The following DNAH6 variants were observed in gnomAD, a reference collection of about 807,000 sequenced individuals.
DNAH6 encodes dynein axonemal heavy chain 6, also known as axonemal beta dynein heavy chain 6.
Under a neutral mutation model 491.4 loss-of-function variants are expected in DNAH6, and 340 were observed. The ratio of observed to expected loss-of-function variants is 0.69; its 90% CI spans 0.63 to 0.76. The LOEUF (loss-of-function observed/expected upper bound fraction) is 0.76. Among genes scored for constraint, DNAH6 ranks in the 30% least tolerant of loss-of-function variants. The pLI is 0.00. For synonymous variants in DNAH6, 1,603 were observed against 1,686.1 expected (o/e 0.95, Z 1.21); for missense variants, 4,443 against 4,972.2 (o/e 0.89, Z 3.20).
chr2:84,598,502 TA>T (rs1239205429), intron 18 of DNAH6, among the ~76,000 whole-genome samples: 2 of 152,152 alleles, frequency 1.3e-5, no homozygotes, highest in Non-Finnish European at 2.9e-5. Context: ...AGTTTTCTAT[TA>T]ACTTGGGTAA....
In DNAH6 at chr2:84,701,316, G is replaced by GA; in HGVS notation, c.8044dup (p.Arg2682LysfsTer27). ...CAATCTTTACCTGTCTATGCTGTCT[G>GA]AAAAAAGGAAGCAGATTATTTCAGT... On this transcript the variant is annotated frameshift_variant, in exon 49 of 77. Transcript: ENST00000389394. LOFTEE classifies it high-confidence loss of function. The GA allele has an allele frequency of 2.6e-6, 4 of 1,545,680 alleles. No homozygotes were observed. The highest frequency in any genetic ancestry group is 1.2e-5 in the South Asian group (1 of 82,956).
rs1688985139 is a variant in DNAH6, at chr2:84,637,400, G to A, written c.4821+23G>A. 7 of 1,492,056 alleles carry A rather than the reference G, an allele frequency of 4.7e-6. No homozygotes were observed. In the African/African-American group the frequency reaches 7.1e-5, roughly 15 times the overall value. 92.4% of individuals were successfully genotyped at this position (1,492,056 alleles called of 1,614,324 possible). A position where few individuals can be genotyped will look rare whatever the true frequency, so the allele number is the denominator to read the frequency against. On this transcript the variant is annotated intron_variant, in intron 31 of 76. Transcript: ENST00000389394. ...GAGGTGAGCATCACATTATAAAGCA[G>A]CAGAAATGTAAACTTCTTTCTTTTA...
At chr2:84,697,495 G>T (rs1192289) in intron 46 of DNAH6, 80 bp from the exon 47 acceptor site, 2 of 1,355,390 alleles carry the variant, frequency 1.5e-6, no homozygotes, top group Non-Finnish European at 2.0e-6. Context: ...TGATTCATGT[G>T]AATTTTAGAA....
In DNAH6 at chr2:84,819,326, T is replaced by C. The variant is rs1447248037; in HGVS notation, c.12395T>C (p.Val4132Ala). ...STTGHSTNFVVTVLLPSKRSK... is the reference protein window; with the variant it reads ...STTGHSTNFVATVLLPSKRSK... ...TTAGGACATTCAACCAATTTTGTGG[T>C]AACCGTCCTGTTACCCTCCAAGCGG... The change falls in exon 77 of 77, where the codon GTA (valine) becomes GCA (alanine). Residue 4132 changes from valine to alanine, a missense_variant. Around this residue, in one of 3 missense-constraint regions of DNAH6, gnomAD observed 1,463 missense variants for 1,656.6 expected, o/e 0.88. Coordinates refer to ENST00000389394, the MANE Select transcript of DNAH6 (RefSeq NM_001370.2). 6.4e-7 allele frequency: 1 copy of C among 1,550,788 alleles called. No individual in the cohort carries two copies. Among genetic ancestry groups the C allele is most frequent in the East Asian group, 2.4e-5 (1 of 40,880 alleles).
At chr2:84,574,632 A>G (rs1175504788) in intron 12 of DNAH6, among the ~76,000 whole-genome samples, 2 of 152,212 alleles carry the variant, frequency 1.3e-5, no homozygotes, top group Non-Finnish European at 2.9e-5. Context: ...AGACAAGCCT[A>G]CTTCCACTGT....
chr2:84,641,883 T>C, intron 32 of DNAH6, 64 bp from the exon 33 acceptor site: 1 of 1,368,890 alleles, frequency 7.3e-7, no homozygotes, highest in Non-Finnish European at 1.0e-6. Flanking sequence ...TCCCCACAGG[T>C]TTAGAAAATC....
Position 84,699,604 on chromosome 2 carries a change from A to G in DNAH6, c.7688A>G (p.Tyr2563Cys). The part of the protein sequence containing the change: ...SEGNRDEVFQ[Y>C]FISKVRQKLH... ...CTTTCTTTTTGTCAGGTGTTTCAATACTTTATCAGCAAAGTGCGTCAGAAG... is the reference window on the plus strand; with the variant it reads ...CTTTCTTTTTGTCAGGTGTTTCAATGCTTTATCAGCAAAGTGCGTCAGAAG... The change falls in exon 48 of 77, where the codon TAC becomes TGC. Residue 2563 changes from tyrosine (Y) to cysteine (C), a missense_variant. Tyr to Cys is a radical substitution (Grantham distance 194). Around this residue, in one of 3 missense-constraint regions of DNAH6, gnomAD observed 2,977 missense variants for 3,296.6 expected, o/e 0.90. Transcript: ENST00000389394. 1 of 1,549,124 alleles carries G rather than the reference A, an allele frequency of 6.5e-7. No individual in the cohort carries two copies. The highest frequency in any genetic ancestry group is 8.7e-7 in the Non-Finnish European group (1 of 1,146,244).
Position 84,731,149 on chromosome 2 carries a change from C to T in DNAH6, c.10207-2295C>T, listed in dbSNP as rs568126440. Reference sequence around the variant, plus strand: ...CTTGTGGTCTTTGAACCTAGACCCACTCCCTCCCTTCCTGCTCCCAGCTTA... The same window carrying T: ...CTTGTGGTCTTTGAACCTAGACCCATTCCCTCCCTTCCTGCTCCCAGCTTA... On this transcript the variant is annotated intron_variant, in intron 61 of 76. Transcript: ENST00000389394. Among the ~76,000 whole-genome samples the T allele has an allele frequency of 3.9e-5, 6 of 152,332 alleles. No individual in the cohort carries two copies. The South Asian group carries it at 1.2e-3, about 32-fold the overall frequency.
At chr2:84,816,463 C>A (rs1680495244) in intron 76 of DNAH6, among the ~76,000 whole-genome samples, 1 of 152,114 alleles carries the variant, frequency 6.6e-6, no homozygotes, top group East Asian at 1.9e-4. Context: ...GTGGCTCACC[C>A]CTTTAATCCC....
At chr2:84,724,947 G>A (rs1698486713) in intron 60 of DNAH6, among the ~76,000 whole-genome samples, 2 of 152,212 alleles carry the variant, frequency 1.3e-5, no homozygotes, top group Admixed American at 1.3e-4. Context: ...CTCAATGGGA[G>A]TAGTAGCAAA....
At chr2:84,674,978 C>T (rs563465573) in intron 40 of DNAH6, among the ~76,000 whole-genome samples, 1 of 152,334 alleles carries the variant, frequency 6.6e-6, no homozygotes, top group Admixed American at 6.5e-5. Context: ...CTTCTGAAGG[C>T]ACCCATATCC....
At chr2:84,790,967 G>A (rs1180203346) in intron 68 of DNAH6, among the ~76,000 whole-genome samples, 6 of 152,040 alleles carry the variant, frequency 3.9e-5, no homozygotes, top group African/African-American at 1.4e-4. Flanking sequence ...CCAGGTGGGC[G>A]AATCATGAGG....
At chr2:84,622,435 T>G (rs899369061) in intron 26 of DNAH6, among the ~76,000 whole-genome samples, 1 of 152,152 alleles carries the variant, frequency 6.6e-6, no homozygotes, top group South Asian at 2.1e-4. Context: ...TATTATTTTT[T>G]GTAGAGACAG....
chr2:84,499,925 A>T, the DNAH6 span, among the ~76,000 whole-genome samples: 1 of 148,584 alleles, frequency 6.7e-6, no homozygotes, highest in Non-Finnish European at 1.5e-5. Context: ...TTAGTTCCTT[A>T]TATATTCCGG....
chr2:84,578,760 A>G (rs1038776044), intron 13 of DNAH6, among the ~76,000 whole-genome samples: 1 of 152,208 alleles, frequency 6.6e-6, no homozygotes, highest in Non-Finnish European at 1.5e-5. Context: ...TGCCCACCCA[A>G]ATCCCACCTT....
At chr2:84,750,162 A>T (rs1030370872) in intron 63 of DNAH6, among the ~76,000 whole-genome samples, 3 of 146,304 alleles carry the variant, frequency 2.1e-5, no homozygotes, top group Non-Finnish European at 4.5e-5. Flanking sequence ...TGGTACTGTG[A>T]TTATGGTTTT....
At chr2:84,645,506 A>G (rs1358587725) in intron 33 of DNAH6, among the ~76,000 whole-genome samples, 1 of 151,018 alleles carries the variant, frequency 6.6e-6, no homozygotes, top group Non-Finnish European at 1.5e-5. Flanking sequence ...TCTATTGATC[A>G]GTAATGTTGA....
At chr2:84,587,168 C>T (rs2104081673) in intron 15 of DNAH6, among the ~76,000 whole-genome samples, 1 of 152,270 alleles carries the variant, frequency 6.6e-6, no homozygotes, top group East Asian at 1.9e-4. Context: ...CATGTGTTCT[C>T]AACATTTAGC....
At chr2:84,465,896 T>C in the DNAH6 span, among the ~76,000 whole-genome samples, 1 of 152,224 alleles carries the variant, frequency 6.6e-6, no homozygotes, top group Non-Finnish European at 1.5e-5. Context: ...AAGACCAATT[T>C]GTTTTATTAT....
Sources: allele counts gnomAD v4.1 joint callset (sites outside exome capture counted in the v4.1 genomes callset), GRCh38; gene constraint gnomAD v4.1.1; regional missense constraint gnomAD v4.1.1; transcripts MANE v1.5; gene names NCBI Gene and HGNC (gene_info 2026-07-23, HGNC 2026-07-21).